PDS5B: variants seen among roughly 807,000 people sequenced by gnomAD.
PDS5B encodes PDS5 cohesin associated factor B.
Under a neutral mutation model 184.1 loss-of-function variants are expected in PDS5B, and 51 were observed. That is an observed-to-expected ratio of 0.28 (90% CI 0.22 to 0.35). The LOEUF is 0.35. PDS5B is among the 10% of genes least tolerant of loss of function. PDS5B has a pLI of 1.00. For missense variants in PDS5B, 1,180 were observed against 1,723.3 expected (o/e 0.68, Z 5.58); for synonymous variants, 566 against 569.2 (o/e 0.99, Z 0.08).
At chr13:32,616,229 A>G (rs1481521243) in intron 1 of PDS5B, among the ~76,000 whole-genome samples, 1 of 151,848 alleles carries the variant, frequency 6.6e-6, no homozygotes, top group Non-Finnish European at 1.5e-5. Context: ...AATTTTTTGT[A>G]TTTTTAGTAG....
chr13:32,672,187 A>C (rs543464741), intron 7 of PDS5B, among the ~76,000 whole-genome samples: 1 of 152,310 alleles, frequency 6.6e-6, no homozygotes, highest in African/African-American at 2.4e-5. Context: ...GTAGTTTTTC[A>C]TCAAAAATAA....
At chr13:32,637,304 A>G (rs1330033866) in intron 1 of PDS5B, among the ~76,000 whole-genome samples, 1 of 146,332 alleles carries the variant, frequency 6.8e-6, no homozygotes, top group African/African-American at 2.6e-5. Context: ...TGTTGATTGT[A>G]AATATTGAAA....
At chr13:32,679,105 A>G (rs1182249386) in intron 10 of PDS5B, among the ~76,000 whole-genome samples, 176 bp downstream of exon 10, 1 of 150,272 alleles carries the variant, frequency 6.7e-6, no homozygotes, top group African/African-American at 2.4e-5. Flanking sequence ...TTTAAAATAG[A>G]GACAAGGTCT....
chr13:32,771,029 A>G (rs1296212499), intron 33 of PDS5B: 31 of 322,174 alleles, frequency 9.6e-5, no homozygotes, highest in South Asian at 7.4e-5. Context: ...AAGAAATCAT[A>G]AGGTATTTTT....
At chr13:32,624,594 G>A (rs2140547591) in intron 1 of PDS5B, among the ~76,000 whole-genome samples, 1 of 152,126 alleles carries the variant, frequency 6.6e-6, no homozygotes, top group African/African-American at 2.4e-5. Context: ...GAATTCATTG[G>A]GGCGTGAATC....
Position 32,755,728 on chromosome 13 carries a change from T to A in PDS5B, c.2942-114T>A. ...AACTGTTGGGATGCAGAAAATATAG[T>A]ACGAAAGAAAGAGTATGTAAGATTT... On this transcript the variant is annotated intron_variant, in intron 25 of 34. Coordinates refer to ENST00000315596, the MANE Select transcript of PDS5B (RefSeq NM_015032.4). 3 of 558,120 alleles carry A rather than the reference T, an allele frequency of 5.4e-6. No individual in the cohort carries two copies. The East Asian group carries it at 8.9e-5, about 17-fold the overall frequency. The allele number at this position is 558,120 out of a possible 1,614,324, so 34.6% of individuals were successfully genotyped here. A position where few individuals can be genotyped will look rare whatever the true frequency, so the allele number is the denominator to read the frequency against.
chr13:32,590,713 T>C (rs2057760800), intron 1 of PDS5B, among the ~76,000 whole-genome samples: 1 of 152,162 alleles, frequency 6.6e-6, no homozygotes, highest in African/African-American at 2.4e-5. Flanking sequence ...ATTGAAGATA[T>C]TTTAAAGGAA....
chr13:32,604,999 T>C (rs2058038025), intron 1 of PDS5B, among the ~76,000 whole-genome samples: 2 of 152,210 alleles, frequency 1.3e-5, no homozygotes, highest in African/African-American at 2.4e-5. Context: ...AGTCTATGAA[T>C]TTTGTTGATC....
rs1192513832 is a variant in PDS5B at position 32,732,196 on chromosome 13, A to G, written c.2219A>G (p.Lys740Arg). ...TGTATCCATGCGATATTTTCTAGTAAAGAGACCCAGTTTGCACAGATATTT... is the reference window on the plus strand; with the variant it reads ...TGTATCCATGCGATATTTTCTAGTAGAGAGACCCAGTTTGCACAGATATTT... ...IHCIHAIFSSKETQFAQIFEP... is the reference protein window; with the variant it reads ...IHCIHAIFSSRETQFAQIFEP... The change falls in exon 20 of 35, where the codon AAA becomes AGA. Residue 740 changes from lysine (K) to arginine (R), a missense_variant. By Grantham distance (26) the Lys-to-Arg change is conservative. Transcript: ENST00000315596. The G allele has an allele frequency of 5.0e-6, 8 of 1,609,728 alleles. No homozygotes were observed. The highest frequency in any genetic ancestry group is 5.9e-6 in the Non-Finnish European group (7 of 1,177,204).
chr13:32,740,289 CTTAG>C (rs1211924113), intron 21 of PDS5B, among the ~76,000 whole-genome samples: 1 of 152,052 alleles, frequency 6.6e-6, no homozygotes, highest in African/African-American at 2.4e-5. Context: ...TCTTGACATC[CTTAG>C]TTAGAAATTT....
chr13:32,593,349 T>C (rs1240669032), intron 1 of PDS5B, among the ~76,000 whole-genome samples: 1 of 152,198 alleles, frequency 6.6e-6, no homozygotes, highest in Admixed American at 6.5e-5. Flanking sequence ...TACTGTTGAT[T>C]GAAAGCCTTA....
chr13:32,690,387 C>G (rs1401156571), intron 13 of PDS5B: 1 of 152,170 alleles, frequency 6.6e-6, no homozygotes, highest in African/African-American at 2.4e-5. Flanking sequence ...CAGGTGGGTC[C>G]TATCAGATAA....
rs574782409 is a variant in PDS5B, at chr13:32,628,261, T to C, written c.-19-20493T>C. Among the ~76,000 whole-genome samples the C allele has an allele frequency of 6.0e-4, 92 of 152,298 alleles. 1 individual carries two copies. The South Asian group carries it at 7.3e-3, about 12-fold the overall frequency. ...CATTTTTACGTATTTGCAATAATAA[T>C]ACAAATAATTTTGGGCTAGGTGTGG... On this transcript the variant is annotated intron_variant, in intron 1 of 34. Transcript: ENST00000315596.
chr13:32,600,258 C>T (rs1461395498), intron 1 of PDS5B, among the ~76,000 whole-genome samples: 1 of 151,942 alleles, frequency 6.6e-6, no homozygotes, highest in Non-Finnish European at 1.5e-5. Flanking sequence ...ACTCTTTTTT[C>T]CCCCTTGATA....
chr13:32,660,558 C>T (rs1212328181), intron 6 of PDS5B, among the ~76,000 whole-genome samples: 1 of 152,200 alleles, frequency 6.6e-6, no homozygotes, highest in Non-Finnish European at 1.5e-5. Context: ...GAACCCTCAA[C>T]CACTTGTCAA....
chr13:32,669,938 G>A (rs9596058), intron 7 of PDS5B, among the ~76,000 whole-genome samples: 56,626 of 151,786 alleles, frequency 0.37, 11,142 homozygotes, highest in Non-Finnish European at 0.44. Context: ...GGACTTAATC[G>A]TCTTGTAGTA....
In PDS5B at chr13:32,770,116, C is replaced by G. The variant is rs745400308; in HGVS notation, c.3625-5C>G. ...CCATAAATTGTGATTTTTTTTTTCCCCTAGTCTGAATTGGAGAAGCCTAGA... is the reference window on the plus strand; with the variant it reads ...CCATAAATTGTGATTTTTTTTTTCCGCTAGTCTGAATTGGAGAAGCCTAGA... On this transcript the variant is annotated splice_region_variant and splice_polypyrimidine_tract_variant and intron_variant, in intron 31 of 34. Coordinates refer to ENST00000315596, the MANE Select transcript of PDS5B (RefSeq NM_015032.4). The G allele has an allele frequency of 2.5e-6, 4 of 1,574,842 alleles. No individual in the cohort carries two copies. The African/African-American group carries it at 5.6e-5, about 22-fold the overall frequency.
intron 27 of PDS5B, 116 bp from the exon 28 acceptor site, chr13:32,758,418 T>G (rs1954262564): frequency 9.2e-7 from 1 of 1,090,202 alleles, no homozygotes; most frequent in African/African-American, 1.6e-5. Context: ...TTACACAGAC[T>G]GTTGCTTTCA....
chr13:32,610,729 T>TA lies in PDS5B; in HGVS notation c.-20+24137dup, dbSNP rs2058128369. 3.9e-5 allele frequency among the ~76,000 whole-genome samples: 6 copies of TA among 152,250 alleles called. No homozygotes were observed. In the South Asian group the frequency reaches 1.2e-3, roughly 32 times the overall value. On this transcript the variant is annotated intron_variant, in intron 1 of 34. Coordinates refer to ENST00000315596, the MANE Select transcript of PDS5B (RefSeq NM_015032.4). ...GTTTGAGTCCTGGCTCTCCCCTTACTAGTTGTTCATCCTTGAGTGAATGAT... is the reference window on the plus strand; with the variant it reads ...GTTTGAGTCCTGGCTCTCCCCTTACTAAGTTGTTCATCCTTGAGTGAATGAT...
Sources: allele counts gnomAD v4.1 joint callset (sites outside exome capture counted in the v4.1 genomes callset), GRCh38; gene constraint gnomAD v4.1.1; transcripts MANE v1.5; gene names NCBI Gene and HGNC (gene_info 2026-07-23, HGNC 2026-07-21).